The following NELL1 variants were observed in gnomAD, a reference collection of about 807,000 sequenced individuals.
NELL1 encodes the protein neural EGFL like 1.
In NELL1, 76 loss-of-function variants were observed where a neutral mutation model predicts 107.4. The observed-to-expected ratio is 0.71, with a 90% confidence interval of 0.59 to 0.86. The LOEUF is 0.86. Ranked by LOEUF, NELL1 falls within the 40% of genes least tolerant of loss-of-function variation. The probability of loss-of-function intolerance (pLI) is 0.00; values close to 1 mark genes in which losing one functional copy is unlikely to be tolerated. For synonymous variants in NELL1, 353 were observed against 341.2 expected, an observed-to-expected ratio of 1.03 and a Z score of -0.38; for missense variants, 1,024 against 1,005.5, an observed-to-expected ratio of 1.02 and a Z score of -0.25.
At chr11:21,477,908 A>T (rs945804157) in intron 15 of NELL1, among the ~76,000 whole-genome samples, 10 of 71,126 alleles carry the variant, frequency 1.4e-4, no homozygotes, top group African/African-American at 5.6e-4. Flanking sequence ...AAAAATTATA[A>T]GAAATTATAA....
At chr11:21,336,179 A>G (rs754273513) in intron 14 of NELL1, among the ~76,000 whole-genome samples, 2 of 152,038 alleles carry the variant, frequency 1.3e-5, no homozygotes, top group Non-Finnish European at 2.9e-5. Flanking sequence ...ACATTAAACT[A>G]GAACCTTTTT....
intron 2 of NELL1, among the ~76,000 whole-genome samples, chr11:20,723,572 G>T (rs1019905628): frequency 6.6e-6 from 1 of 152,130 alleles, no homozygotes. Flanking sequence ...AAGCTCTGGA[G>T]GGTACAGCCC....
At chr11:21,170,116 C>T (rs1275693343) in intron 13 of NELL1, 1 of 754,046 alleles carries the variant, frequency 1.3e-6, no homozygotes, top group African/African-American at 1.8e-5. Flanking sequence ...CAAAACCACC[C>T]TTCAGGTCCA....
intron 2 of NELL1, among the ~76,000 whole-genome samples, chr11:20,694,128 A>T (rs1160777474): frequency 6.6e-6 from 1 of 152,084 alleles, no homozygotes; most frequent in African/African-American, 2.4e-5. Flanking sequence ...CTTGGCTTTC[A>T]GCTCCATCAG....
At chr11:21,565,646 C>T (rs1184874212) in intron 17 of NELL1, among the ~76,000 whole-genome samples, 1 of 151,906 alleles carries the variant, frequency 6.6e-6, no homozygotes, top group Non-Finnish European at 1.5e-5. Context: ...TTCCTATCCC[C>T]TAGCCTCCTC....
At chr11:21,201,360 G>T (rs1485211367) in intron 13 of NELL1, among the ~76,000 whole-genome samples, 4 of 152,116 alleles carry the variant, frequency 2.6e-5, no homozygotes, top group Non-Finnish European at 5.9e-5. Flanking sequence ...CTTGTAAGTT[G>T]TATTCCTAGG....
intron 2 of NELL1, among the ~76,000 whole-genome samples, chr11:20,687,960 T>C (rs1486390027): frequency 6.6e-6 from 1 of 152,150 alleles, no homozygotes; most frequent in African/African-American, 2.4e-5. Flanking sequence ...CTAAGTAGTC[T>C]GTTTTATTAA....
intron 4 of NELL1, among the ~76,000 whole-genome samples, chr11:20,882,672 G>A (rs1296925201): frequency 1.3e-5 from 2 of 152,080 alleles, no homozygotes; most frequent in African/African-American, 4.8e-5. Context: ...AGTATATACT[G>A]CCCAGTTAGC....
At chr11:21,327,384 T>C (rs546044988) in intron 14 of NELL1, among the ~76,000 whole-genome samples, 1 of 152,230 alleles carries the variant, frequency 6.6e-6, no homozygotes, top group East Asian at 1.9e-4. Flanking sequence ...CTTTTCCCCA[T>C]TTTGCTTGGC....
chr11:21,022,536 C>T (rs1326990392), intron 12 of NELL1, among the ~76,000 whole-genome samples: 1 of 152,090 alleles, frequency 6.6e-6, no homozygotes, highest in Non-Finnish European at 1.5e-5. Context: ...TTAATTTTCT[C>T]TTTCCAATTT....
At chr11:20,965,813 C>G (rs889852211) in intron 12 of NELL1, among the ~76,000 whole-genome samples, 1 of 152,026 alleles carries the variant, frequency 6.6e-6, no homozygotes, top group Non-Finnish European at 1.5e-5. Context: ...TCAAACAGAA[C>G]GCAGCCCACA....
intron 12 of NELL1, among the ~76,000 whole-genome samples, chr11:21,103,528 G>T (rs930640735): frequency 1.3e-5 from 2 of 152,090 alleles, no homozygotes; most frequent in Non-Finnish European, 2.9e-5. Context: ...TACTTGTAAA[G>T]GTGAAATGAA....
chr11:21,015,967 C>T (rs1018655765), intron 12 of NELL1, among the ~76,000 whole-genome samples: 3 of 151,254 alleles, frequency 2.0e-5, no homozygotes, highest in South Asian at 2.1e-4. Context: ...CTTTTGTGTC[C>T]GAGGGCTAAG....
At chr11:21,243,493 C>T (rs746136618) in intron 14 of NELL1, among the ~76,000 whole-genome samples, 60 of 152,154 alleles carry the variant, frequency 3.9e-4, no homozygotes, top group Non-Finnish European at 5.0e-4. Context: ...CTTAAGTTAC[C>T]TCTTTGAAGA....
intron 3 of NELL1, among the ~76,000 whole-genome samples, chr11:20,809,073 T>A (rs570226785): frequency 6.6e-6 from 1 of 152,304 alleles, no homozygotes; most frequent in South Asian, 2.1e-4. Context: ...TATTCGGTCA[T>A]CTTGCTTCAC....
rs561635957 is a variant in NELL1 at position 20,885,373 on chromosome 11, C to G, written c.507-71C>G. ...ACAGCAGCTAATGGCATGCATACTT[C>G]AAACAGCATATGCACCTTTTGGTTC... On this transcript the variant is annotated intron_variant, in intron 4 of 19. Transcript: ENST00000357134. The G allele has an allele frequency of 2.4e-5, 23 of 943,714 alleles. No individual in the cohort carries two copies. The East Asian group carries it at 5.3e-4, about 22-fold the overall frequency. The allele number at this position is 943,714 out of a possible 1,614,324, so 58.5% of individuals were successfully genotyped here.
chr11:21,195,537 A>G (rs978396553), intron 13 of NELL1, among the ~76,000 whole-genome samples: 5 of 149,814 alleles, frequency 3.3e-5, no homozygotes, highest in African/African-American at 1.2e-4. Flanking sequence ...AGATACAGAT[A>G]TAATTTTCTG....
At chr11:21,358,594 T>G (rs1850997046) in intron 14 of NELL1, among the ~76,000 whole-genome samples, 1 of 135,864 alleles carries the variant, frequency 7.4e-6, no homozygotes, top group African/African-American at 2.5e-5. Flanking sequence ...TTTTTGGATT[T>G]TTAGTAGAGA....
chr11:21,170,468 C>T (rs937585146), intron 13 of NELL1, among the ~76,000 whole-genome samples: 1 of 151,716 alleles, frequency 6.6e-6, no homozygotes, highest in Non-Finnish European at 1.5e-5. Flanking sequence ...CAGTTTTATA[C>T]CACAATATAT....
Sources: allele counts gnomAD v4.1 joint callset (sites outside exome capture counted in the v4.1 genomes callset), GRCh38; gene constraint gnomAD v4.1.1; transcripts MANE v1.5; gene names NCBI Gene and HGNC (gene_info 2026-07-23, HGNC 2026-07-21).